Variants in CPNE8 observed in about 807,000 individuals in gnomAD.
CPNE8 encodes copine 8, also known as copine-8.
CPNE8 carries 45 observed loss-of-function variants against 81.5 expected under a neutral mutation model. The observed-to-expected ratio is 0.55, with a 90% confidence interval of 0.44 to 0.71. The LOEUF (loss-of-function observed/expected upper bound fraction) is 0.71, where lower values mean the gene tolerates loss of function less well. Ranked by LOEUF, CPNE8 falls within the 30% of genes least tolerant of loss-of-function variation. The probability of loss-of-function intolerance (pLI) is 0.00; values close to 1 mark genes in which losing one functional copy is unlikely to be tolerated. For synonymous variants in CPNE8, 252 were observed against 226.3 expected, an observed-to-expected ratio of 1.11 and a Z score of -1.02; for missense variants, 594 against 672.1, an observed-to-expected ratio of 0.88 and a Z score of 1.28.
chr12:38,691,230 T>TCA (rs1939668397), intron 15 of CPNE8, among the ~76,000 whole-genome samples: 1 of 152,138 alleles, frequency 6.6e-6, no homozygotes, highest in South Asian at 2.1e-4. Context: ...TGACCTGGGT[T>TCA]CAAGTCCTGT....
intron 6 of CPNE8, among the ~76,000 whole-genome samples, chr12:38,806,893 A>G (rs1458161221): frequency 6.6e-6 from 1 of 151,460 alleles, no homozygotes; most frequent in Non-Finnish European, 1.5e-5. Context: ...CTGATAAGCA[A>G]CTTCAGCAGT....
intron 6 of CPNE8, among the ~76,000 whole-genome samples, chr12:38,786,431 G>C (rs1472517700): frequency 6.6e-6 from 1 of 152,118 alleles, no homozygotes; most frequent in Non-Finnish European, 1.5e-5. Flanking sequence ...TGTGTAAAGA[G>C]AGACCGGCCT....
At chr12:38,738,587 T>G (rs1246392546) in intron 10 of CPNE8, among the ~76,000 whole-genome samples, 3 of 152,154 alleles carry the variant, frequency 2.0e-5, no homozygotes, top group Non-Finnish European at 2.9e-5. Flanking sequence ...ACATTTTGAA[T>G]TTAAAGCTGA....
At chr12:38,903,299 G>A (rs1467065174) in intron 1 of CPNE8, among the ~76,000 whole-genome samples, 2 of 152,058 alleles carry the variant, frequency 1.3e-5, no homozygotes, top group African/African-American at 2.4e-5. Flanking sequence ...AGAGATGCTT[G>A]ACACTAAGTA....
intron 6 of CPNE8, among the ~76,000 whole-genome samples, chr12:38,815,884 C>T (rs1442425399): frequency 1.4e-4 from 22 of 152,090 alleles, no homozygotes. Context: ...AAGTAAACTG[C>T]TCAACCTCTG....
chr12:38,850,974 T>C (rs1289770999), intron 3 of CPNE8, among the ~76,000 whole-genome samples: 1 of 152,230 alleles, frequency 6.6e-6, no homozygotes, highest in Non-Finnish European at 1.5e-5. Flanking sequence ...ACCTTTCTCA[T>C]GAATGGCAGG....
At chr12:38,780,744 T>C (rs1286112427) in intron 6 of CPNE8, among the ~76,000 whole-genome samples, 3 of 152,060 alleles carry the variant, frequency 2.0e-5, no homozygotes, top group Non-Finnish European at 2.9e-5. Flanking sequence ...TATAAGATTG[T>C]AAACAGTAAA....
Position 38,806,949 on chromosome 12 carries a change from C to A in CPNE8, c.407+22430G>T, listed in dbSNP as rs1262240289. ...TACAAAAATCACAAGCATTCTTACA[C>A]ACCAACAACAGACAAACAGAGAGCC... On this transcript the variant is annotated intron_variant, in intron 6 of 19. Transcript: ENST00000331366. Among the ~76,000 whole-genome samples, 6 of 150,264 alleles carry A rather than the reference C, an allele frequency of 4.0e-5. No homozygotes were observed. In the South Asian group the frequency reaches 1.3e-3, roughly 32 times the overall value.
At chr12:38,822,227 A>G (rs890517308) in intron 6 of CPNE8, among the ~76,000 whole-genome samples, 26 of 152,216 alleles carry the variant, frequency 1.7e-4, no homozygotes, top group African/African-American at 6.0e-4. Context: ...TATTTCCAAA[A>G]CTATCTTATA....
intron 1 of CPNE8, among the ~76,000 whole-genome samples, chr12:38,885,015 A>G (rs1249247817): frequency 6.6e-6 from 1 of 152,210 alleles, no homozygotes; most frequent in Admixed American, 6.5e-5. Flanking sequence ...AAAGTAAATT[A>G]CAGAGAAAAA....
intron 6 of CPNE8, among the ~76,000 whole-genome samples, chr12:38,820,619 A>C (rs1943097853): frequency 6.6e-6 from 1 of 152,156 alleles, no homozygotes. Context: ...TATAAAGGTA[A>C]TACTATTAGA....
At chr12:38,713,213 C>T (rs936872294) in intron 13 of CPNE8, among the ~76,000 whole-genome samples, 2 of 152,132 alleles carry the variant, frequency 1.3e-5, no homozygotes, top group Non-Finnish European at 2.9e-5. Flanking sequence ...CTGACTTTTT[C>T]GCAAACATTT....
chr12:38,790,492 A>G (rs1204531077), intron 6 of CPNE8, among the ~76,000 whole-genome samples: 1 of 151,760 alleles, frequency 6.6e-6, no homozygotes, highest in East Asian at 1.9e-4. Context: ...TAATGGGAAT[A>G]TAAAAACAAT....
Position 38,730,366 on chromosome 12 carries a change from T to C in CPNE8, c.723-8A>G. The C allele has an allele frequency of 7.4e-7, 1 of 1,356,894 alleles. No individual in the cohort carries two copies. Among genetic ancestry groups the C allele is most frequent in the South Asian group, 1.2e-5 (1 of 81,034 alleles). The allele number at this position is 1,356,894 out of a possible 1,614,324, so 84.1% of individuals were successfully genotyped here. ...TCTCCAATGAAATCATGACTAAAATTAAAGGAAAAAAGTACATAATATTGG... is the reference window on the plus strand; with the variant it reads ...TCTCCAATGAAATCATGACTAAAATCAAAGGAAAAAAGTACATAATATTGG... On this transcript the variant is annotated splice_polypyrimidine_tract_variant and splice_region_variant and intron_variant, in intron 10 of 19. Coordinates refer to ENST00000331366, the MANE Select transcript of CPNE8 (RefSeq NM_153634.3).
intron 10 of CPNE8, 61 bp downstream of exon 10, chr12:38,760,786 C>G (rs1941556843): frequency 7.8e-7 from 1 of 1,279,698 alleles, no homozygotes; most frequent in African/African-American, 1.5e-5. Context: ...GTGGTCATTT[C>G]AATGTATGTG....
intron 10 of CPNE8, among the ~76,000 whole-genome samples, chr12:38,734,973 G>T (rs140240635): frequency 2.0e-5 from 3 of 152,036 alleles, no homozygotes; most frequent in Admixed American, 6.6e-5. Flanking sequence ...GGAGTACACC[G>T]CAGTGTAACA....
chr12:38,725,412 G>A (rs1592040828), intron 11 of CPNE8, among the ~76,000 whole-genome samples: 1 of 152,036 alleles, frequency 6.6e-6, no homozygotes. Flanking sequence ...ACATAAGATT[G>A]GCCTTTCGAC....
chr12:38,770,525 A>T (rs11169482), intron 7 of CPNE8, among the ~76,000 whole-genome samples: 48,916 of 152,138 alleles, frequency 0.32, 9,311 homozygotes, highest in Non-Finnish European at 0.43. Context: ...GTCTTGAAAC[A>T]TGAAAAATTC....
At chr12:38,731,312 T>C (rs1021035226) in intron 10 of CPNE8, among the ~76,000 whole-genome samples, 1 of 151,928 alleles carries the variant, frequency 6.6e-6, no homozygotes, top group Non-Finnish European at 1.5e-5. Context: ...TGCAAGCTAT[T>C]CCTTGCCATA....
Sources: allele counts gnomAD v4.1 joint callset (sites outside exome capture counted in the v4.1 genomes callset), GRCh38; gene constraint gnomAD v4.1.1; transcripts MANE v1.5; gene names NCBI Gene and HGNC (gene_info 2026-07-23, HGNC 2026-07-21).